The following DOCK1 variants were observed in gnomAD, a reference collection of about 807,000 sequenced individuals.
DOCK1 encodes the protein dedicator of cytokinesis 1.
Under a neutral mutation model 262.7 loss-of-function variants are expected in DOCK1, and 138 were observed. That is an observed-to-expected ratio of 0.53 (90% CI 0.46 to 0.61). The LOEUF is 0.61. Among genes scored for constraint, DOCK1 ranks in the 20% least tolerant of loss-of-function variants. DOCK1 has a pLI of 0.00. For missense variants in DOCK1, 1,908 were observed against 2,370.7 expected (o/e 0.80, Z 4.05); for synonymous variants, 866 against 867.4 (o/e 1.00, Z 0.03).
chr10:126,989,085 A>AG, intron 5 of DOCK1, among the ~76,000 whole-genome samples: 1 of 151,856 alleles, frequency 6.6e-6, no homozygotes, highest in East Asian at 1.9e-4. Context: ...AAAAAAAAAA[A>AG]AAATGCATTT....
intron 23 of DOCK1, among the ~76,000 whole-genome samples, chr10:127,089,517 G>A (rs1238623282): frequency 6.6e-6 from 1 of 152,100 alleles, no homozygotes; most frequent in Non-Finnish European, 1.5e-5. Flanking sequence ...CTTCTCCTGG[G>A]GACCTCAGGA....
chr10:126,926,922 A>G (rs1291605782), intron 1 of DOCK1, among the ~76,000 whole-genome samples: 1 of 152,202 alleles, frequency 6.6e-6, no homozygotes, highest in Non-Finnish European at 1.5e-5. Flanking sequence ...ATTAGAAGCC[A>G]CCAAGCTTTG....
At chr10:127,007,959 C>T (rs1044813176) in intron 10 of DOCK1, among the ~76,000 whole-genome samples, 8 of 152,120 alleles carry the variant, frequency 5.3e-5, no homozygotes, top group Non-Finnish European at 8.8e-5. Flanking sequence ...TAATTGTTTG[C>T]GGGAAAGCAA....
chr10:127,226,041 G>A (rs1008674535), intron 27 of DOCK1, among the ~76,000 whole-genome samples: 2 of 147,434 alleles, frequency 1.4e-5, no homozygotes, highest in Non-Finnish European at 3.0e-5. Flanking sequence ...TCATGCCACT[G>A]CACTCCAGCC....
intron 7 of DOCK1, 100 bp from the exon 8 acceptor site, chr10:126,997,992 C>T: frequency 2.0e-6 from 3 of 1,470,088 alleles, no homozygotes; most frequent in Non-Finnish European, 2.8e-6. Flanking sequence ...TGGGTTATGC[C>T]AATGAGTTAT....
At chr10:127,239,018 C>T (rs1469650486) in intron 27 of DOCK1, among the ~76,000 whole-genome samples, 1 of 152,196 alleles carries the variant, frequency 6.6e-6, no homozygotes, top group Non-Finnish European at 1.5e-5. Context: ...AGTAGAACCT[C>T]AGTGGGTTGT....
intron 1 of DOCK1, among the ~76,000 whole-genome samples, chr10:126,968,225 C>T (rs1036863553): frequency 2.0e-5 from 3 of 152,054 alleles, no homozygotes; most frequent in South Asian, 2.1e-4. Flanking sequence ...TGCATCCTTC[C>T]GCTCCTCTCT....
At chr10:127,280,329 C>G (rs576256508) in intron 29 of DOCK1, among the ~76,000 whole-genome samples, 1 of 152,090 alleles carries the variant, frequency 6.6e-6, no homozygotes, top group Non-Finnish European at 1.5e-5. Context: ...CCACCGCGCC[C>G]GGCCTTCATA....
At chr10:127,136,217 G>A (rs1235043844) in intron 27 of DOCK1, 2 of 151,960 alleles carry the variant, frequency 1.3e-5, no homozygotes, top group Admixed American at 1.3e-4. Context: ...TCTGGTTACT[G>A]ATCACTAGGT....
intron 1 of DOCK1, among the ~76,000 whole-genome samples, chr10:126,925,765 TGTGTGC>T (rs1220710444): frequency 2.3e-5 from 3 of 131,476 alleles, no homozygotes; most frequent in African/African-American, 6.3e-5. Context: ...TGTGTGTGTG[TGTGTGC>T]GCCTAGGTGC....
intron 32 of DOCK1, among the ~76,000 whole-genome samples, chr10:127,361,299 A>G (rs895996213): frequency 1.1e-4 from 16 of 151,890 alleles, no homozygotes; most frequent in African/African-American, 3.9e-4. Context: ...TATTTTTAGT[A>G]GAGACGGTGT....
intron 29 of DOCK1, among the ~76,000 whole-genome samples, chr10:127,335,595 T>C (rs1297104898): frequency 1.3e-5 from 2 of 152,082 alleles, no homozygotes; most frequent in South Asian, 2.1e-4. Context: ...TCACCCAGGC[T>C]GGAGTGCAGT....
intron 19 of DOCK1, among the ~76,000 whole-genome samples, chr10:127,039,819 A>G (rs1217013469): frequency 6.6e-6 from 1 of 152,190 alleles, no homozygotes; most frequent in Non-Finnish European, 1.5e-5. Context: ...TGCTTGGTAG[A>G]TTGAGGAAGG....
At chr10:126,916,485 C>T (rs1376652936) in intron 1 of DOCK1, among the ~76,000 whole-genome samples, 2 of 152,224 alleles carry the variant, frequency 1.3e-5, no homozygotes. Context: ...GCATAAGCAG[C>T]TAGCCTGGGC....
At chr10:127,402,669 A>T (rs763504773) in intron 38 of DOCK1, 1 of 522,416 alleles carries the variant, frequency 1.9e-6, no homozygotes, top group Admixed American at 1.9e-5. Flanking sequence ...TTCTACATAA[A>T]TGGCACCCCA....
chr10:127,302,330 G>T (rs1564976799), intron 29 of DOCK1, among the ~76,000 whole-genome samples: 1 of 152,082 alleles, frequency 6.6e-6, no homozygotes, highest in Non-Finnish European at 1.5e-5. Flanking sequence ...AGGTGGGACT[G>T]GACTACAGGA....
intron 49 of DOCK1, among the ~76,000 whole-genome samples, chr10:127,439,631 T>C (rs956027942): frequency 1.3e-5 from 2 of 152,180 alleles, no homozygotes; most frequent in African/African-American, 2.4e-5. Context: ...TCTTCTAAGC[T>C]AGTTACGGCC....
chr10:127,416,196 A>C (rs2068140688), intron 44 of DOCK1, among the ~76,000 whole-genome samples: 1 of 151,974 alleles, frequency 6.6e-6, no homozygotes, highest in Non-Finnish European at 1.5e-5. Context: ...CTCTTCACCT[A>C]CCCCTCCTGG....
chr10:127,425,770 A>G, intron 46 of DOCK1, 104 bp from the exon 47 acceptor site: 2 of 1,519,116 alleles, frequency 1.3e-6, no homozygotes, highest in Non-Finnish European at 1.8e-6. Context: ...TTGATTTGGA[A>G]ACCAAAGCAG....
Sources: gnomAD v4.1 joint callset for allele counts (sites outside exome capture counted in the v4.1 genomes callset) on GRCh38, gnomAD v4.1.1 for gene constraint, MANE v1.5 for transcripts, NCBI Gene and HGNC (gene_info 2026-07-23, HGNC 2026-07-21) for gene names.